MEIKIN: variants seen among roughly 807,000 people sequenced by gnomAD.
The protein encoded by MEIKIN is meiotic kinetochore factor.
In MEIKIN at chr5:131,893,175, C is replaced by A. The variant is rs182895769; in HGVS notation, c.704-14127G>T. 2.6e-5 allele frequency among the ~76,000 whole-genome samples: 4 copies of A among 152,022 alleles called. No homozygotes were observed. In the South Asian group the frequency reaches 8.3e-4, roughly 32 times the overall value. On this transcript the variant is annotated intron_variant, in intron 8 of 12. Transcript: ENST00000442687. The stretch of plus-strand genomic sequence containing the variant: ...TACTGCTGCGTTTTGTTTGTCTGTG[C>A]CCTGTCCCCAGAGGTGGAGCCTACA...
chr5:131,942,599 C>T (rs766492026), intron 4 of MEIKIN, 36 bp downstream of exon 4: 1 of 398,154 alleles, frequency 2.5e-6, no homozygotes, highest in Admixed American at 4.4e-5. Flanking sequence ...GGAGGAAAAA[C>T]AGAAAGCTGA....
intron 8 of MEIKIN, among the ~76,000 whole-genome samples, chr5:131,885,326 G>A (rs1750763110): frequency 7.3e-6 from 1 of 136,734 alleles, no homozygotes; most frequent in Admixed American, 8.4e-5. Flanking sequence ...CCAGCTGCAG[G>A]CCACTCAGAA....
intron 9 of MEIKIN, among the ~76,000 whole-genome samples, chr5:131,874,689 C>CA (rs977961310): frequency 6.6e-6 from 1 of 151,866 alleles, no homozygotes; most frequent in Non-Finnish European, 1.5e-5. Flanking sequence ...AGAGACACAA[C>CA]AAAAAAAGGG....
intron 8 of MEIKIN, among the ~76,000 whole-genome samples, chr5:131,891,080 G>C (rs1260490009): frequency 6.6e-6 from 1 of 152,218 alleles, no homozygotes; most frequent in African/African-American, 2.4e-5. Context: ...TGGTCTGAGA[G>C]ACAGTTTGTT....
At chr5:131,808,966 C>T (rs994108194) in intron 12 of MEIKIN, among the ~76,000 whole-genome samples, 5 of 152,216 alleles carry the variant, frequency 3.3e-5, no homozygotes, top group African/African-American at 9.6e-5. Flanking sequence ...GTCCTAGCTA[C>T]GTGGCAGAAT....
chr5:131,872,022 G>A (rs968491500), intron 9 of MEIKIN, among the ~76,000 whole-genome samples: 1 of 151,798 alleles, frequency 6.6e-6, no homozygotes, highest in African/African-American at 2.4e-5. Flanking sequence ...AAAGACCAAA[G>A]GTACATAAAA....
chr5:131,817,114 A>G (rs1187042822), intron 12 of MEIKIN, among the ~76,000 whole-genome samples: 1 of 152,144 alleles, frequency 6.6e-6, no homozygotes, highest in Non-Finnish European at 1.5e-5. Context: ...GAGCGAGGAC[A>G]TCCATTTTCT....
intron 4 of MEIKIN, among the ~76,000 whole-genome samples, chr5:131,937,067 T>C (rs994009986): frequency 6.6e-6 from 1 of 152,180 alleles, no homozygotes; most frequent in African/African-American, 2.4e-5. Context: ...ACACAGTTGT[T>C]TTCTTGGTAT....
intron 8 of MEIKIN, among the ~76,000 whole-genome samples, chr5:131,890,031 T>C (rs1272940827): frequency 3.9e-5 from 6 of 152,228 alleles, no homozygotes; most frequent in African/African-American, 9.6e-5. Flanking sequence ...TTTTCGTATG[T>C]TGAACCAGCC....
rs768419928 is a variant in MEIKIN, at chr5:131,860,779, T to TGA, written c.775-5947_775-5946dup. Among the ~76,000 whole-genome samples, 94 of 137,124 alleles carry TGA rather than the reference T, an allele frequency of 6.9e-4. 1 individual carries two copies. Among genetic ancestry groups the TGA allele is most frequent in the Non-Finnish European group, 1.3e-3 (80 of 63,694 alleles). The allele number at this position is 137,124 out of a possible 152,430, so 90.0% of individuals were successfully genotyped here. Reference sequence around the variant, plus strand: ...CTTTTTTTTTTTTTTTTTTTTTTTTTGAGAGAGAGTCTTGCTCTGTCACTC... The same window carrying TGA: ...CTTTTTTTTTTTTTTTTTTTTTTTTTGAGAGAGAGAGTCTTGCTCTGTCACTC... On this transcript the variant is annotated intron_variant, in intron 9 of 12. Transcript: ENST00000442687.
intron 9 of MEIKIN, among the ~76,000 whole-genome samples, chr5:131,875,800 T>G (rs1314340470): frequency 6.6e-6 from 1 of 152,092 alleles, no homozygotes; most frequent in Non-Finnish European, 1.5e-5. Context: ...AACAGAGATA[T>G]AGACCTATGG....
intron 12 of MEIKIN, among the ~76,000 whole-genome samples, chr5:131,811,072 C>T (rs1484534872): frequency 1.3e-5 from 2 of 152,068 alleles, no homozygotes; most frequent in Non-Finnish European, 2.9e-5. Context: ...GCAGCTGTTA[C>T]GGTGAGAGCC....
intron 9 of MEIKIN, among the ~76,000 whole-genome samples, chr5:131,875,106 C>G (rs1361985605): frequency 6.6e-6 from 1 of 152,162 alleles, no homozygotes; most frequent in East Asian, 1.9e-4. Flanking sequence ...TCCTCTCTTA[C>G]CACTCCGATT....
At chr5:131,852,080 A>G (rs557534315) in intron 10 of MEIKIN, among the ~76,000 whole-genome samples, 16 of 152,300 alleles carry the variant, frequency 1.1e-4, no homozygotes, top group African/African-American at 3.6e-4. Context: ...AAAATATGGT[A>G]TATGTATATA....
intron 5 of MEIKIN, among the ~76,000 whole-genome samples, chr5:131,928,728 T>C (rs1751632928): frequency 6.6e-6 from 1 of 152,178 alleles, no homozygotes; most frequent in South Asian, 2.1e-4. Context: ...ACTATTGTAA[T>C]AGTATACTAT....
At chr5:131,901,414 CT>C (rs1369520727) in intron 8 of MEIKIN, among the ~76,000 whole-genome samples, 2 of 152,132 alleles carry the variant, frequency 1.3e-5, no homozygotes, top group African/African-American at 2.4e-5. Context: ...CTGTTCCCCC[CT>C]GTGCCATGCT....
chr5:131,929,475 A>T (rs1049071767), intron 5 of MEIKIN, among the ~76,000 whole-genome samples: 15 of 152,056 alleles, frequency 9.9e-5, no homozygotes, highest in Non-Finnish European at 2.9e-5. Flanking sequence ...GGATTTCTTC[A>T]ATCTTTTCAT....
chr5:131,895,100 G>T (rs1037079622), intron 8 of MEIKIN, among the ~76,000 whole-genome samples: 1 of 152,154 alleles, frequency 6.6e-6, no homozygotes, highest in African/African-American at 2.4e-5. Flanking sequence ...AGCATGAAGG[G>T]CTGTTGAATT....
chr5:131,860,754 CTTTTTTTT>C (rs35117395), intron 9 of MEIKIN, among the ~76,000 whole-genome samples: 18 of 50,982 alleles, frequency 3.5e-4, no homozygotes, highest in Non-Finnish European at 5.4e-4. Flanking sequence ...GCCTGTTTGG[CTTTTTTTT>C]TTTTTTTTTT....
Sources: gnomAD v4.1 joint callset for allele counts (sites outside exome capture counted in the v4.1 genomes callset) on GRCh38, gnomAD v4.1.1 for gene constraint, MANE v1.5 for transcripts, NCBI Gene and HGNC (gene_info 2026-07-23, HGNC 2026-07-21) for gene names.